The following TBCD variants were observed in gnomAD, a reference collection of about 807,000 sequenced individuals.
The protein encoded by TBCD is tubulin folding cofactor D.
A neutral mutation model predicts 169.3 loss-of-function variants in TBCD; 105 were observed. The ratio of observed to expected loss-of-function variants is 0.62; its 90% CI spans 0.53 to 0.73. TBCD has a LOEUF of 0.73. Among genes scored for constraint, TBCD ranks in the 30% least tolerant of loss-of-function variants. The pLI is 0.00. For missense variants in TBCD, 1,444 were observed against 1,600.1 expected, an observed-to-expected ratio of 0.90 and a Z score of 1.66; for synonymous variants, 700 against 643.9, an observed-to-expected ratio of 1.09 and a Z score of -1.32.
At chr17:82,816,434 T>C (rs1453782337) in intron 13 of TBCD, among the ~76,000 whole-genome samples, 2 of 152,222 alleles carry the variant, frequency 1.3e-5, no homozygotes, top group African/African-American at 4.8e-5. Context: ...CGTTTAACTT[T>C]CTAAGAACCT....
chr17:82,836,210 G>A (rs939858639), intron 13 of TBCD, among the ~76,000 whole-genome samples: 4 of 152,284 alleles, frequency 2.6e-5, no homozygotes, highest in African/African-American at 9.6e-5. Flanking sequence ...GAAGCCGGGT[G>A]CCTGGTTCCA....
chr17:82,770,417 T>C (rs2048244118), intron 5 of TBCD, among the ~76,000 whole-genome samples: 1 of 151,736 alleles, frequency 6.6e-6, no homozygotes, highest in South Asian at 2.1e-4. Flanking sequence ...CTGACCAACA[T>C]GGAGAAACCT....
intron 2 of TBCD, among the ~76,000 whole-genome samples, chr17:82,757,102 G>T (rs982667306): frequency 2.0e-5 from 3 of 152,184 alleles, no homozygotes; most frequent in Admixed American, 2.0e-4. Context: ...GAGGAAGGTG[G>T]CAATAGTCAC....
chr17:82,827,268 C>T (rs2052936555), intron 13 of TBCD, among the ~76,000 whole-genome samples: 1 of 152,210 alleles, frequency 6.6e-6, no homozygotes, highest in Non-Finnish European at 1.5e-5. Flanking sequence ...GCGTTGACAG[C>T]CACCTGCATG....
chr17:82,831,358 T>A lies in TBCD; in HGVS notation c.1318+16424T>A. 6.2e-7 allele frequency: 1 copy of A among 1,614,018 alleles called. No homozygotes were observed. Among genetic ancestry groups the A allele is most frequent in the Non-Finnish European group, 8.5e-7 (1 of 1,179,998 alleles). ...GTGTTTTCTGTTGGGGTCCGAAGGG[T>A]TTAACCTGGAAGGACTCGAGGCTGG... On this transcript the variant is annotated intron_variant, in intron 13 of 38. Coordinates refer to ENST00000355528, the MANE Select transcript of TBCD (RefSeq NM_005993.5). This position sits in a 1 kb window ranked among gnomAD's most constrained non-coding sequence, Gnocchi z 4.6.
At chr17:82,769,432 T>C (rs2048190937) in intron 5 of TBCD, among the ~76,000 whole-genome samples, 1 of 152,312 alleles carries the variant, frequency 6.6e-6, no homozygotes, top group African/African-American at 2.4e-5. Context: ...ACTAGGAGGC[T>C]GTCAGGCTCT....
At chr17:82,868,706 A>G (rs2145928955) in intron 13 of TBCD, among the ~76,000 whole-genome samples, 1 of 152,326 alleles carries the variant, frequency 6.6e-6, no homozygotes, top group East Asian at 1.9e-4. Context: ...TCGTAGTCCT[A>G]CAGTTGTTGC....
At position 82,923,975 on chromosome 17, in the gene TBCD, G is replaced by A. The variant is rs1018447706; in HGVS notation, c.2260+242G>A. Among the ~76,000 whole-genome samples, 89 of 152,202 alleles carry A rather than the reference G, an allele frequency of 5.8e-4. 1 individual carries two copies. The highest frequency in any genetic ancestry group is 2.0e-3 in the African/African-American group (84 of 41,526). On this transcript the variant is annotated intron_variant, in intron 26 of 38. Transcript: ENST00000355528. This position sits in a 1 kb window ranked among gnomAD's most constrained non-coding sequence, Gnocchi z 4.6. The stretch of plus-strand genomic sequence containing the variant: ...TCAGCAGGGACGCGTCTCTGTTGAC[G>A]GCACCCTCTTGCTCCATCACCCAGG...
intron 17 of TBCD, among the ~76,000 whole-genome samples, chr17:82,898,193 TTGG>T (rs1188089744): frequency 1.4e-5 from 2 of 145,846 alleles, no homozygotes; most frequent in Non-Finnish European, 3.0e-5. Context: ...GCTCTGGGTT[TTGG>T]TGGGAGCACA....
chr17:82,838,335 TA>T (rs11370957), intron 13 of TBCD, among the ~76,000 whole-genome samples: 29 of 150,056 alleles, frequency 1.9e-4, no homozygotes, highest in African/African-American at 2.7e-4. Flanking sequence ...AAAGAGTTCT[TA>T]AAAAAAAAAA....
In TBCD at chr17:82,833,837, C is replaced by T. The variant is rs2145309839; in HGVS notation, c.1318+18903C>T. Among the ~76,000 whole-genome samples, 1 of 152,348 alleles carries T rather than the reference C, an allele frequency of 6.6e-6. No individual in the cohort carries two copies. The highest frequency in any genetic ancestry group is 2.1e-4 in the South Asian group (1 of 4,822). The stretch of plus-strand genomic sequence containing the variant: ...CCACCAGAGGCTGTGTGTGTGATGT[C>T]AGAGCTGGCCTGCTCTTTTGGATTC... On this transcript the variant is annotated intron_variant, in intron 13 of 38. Transcript: ENST00000355528. The surrounding 1 kb of genome is among the most constrained non-coding windows in gnomAD (Gnocchi z 4.7).
chr17:82,793,057 C>T (rs2049861186), intron 7 of TBCD, among the ~76,000 whole-genome samples: 1 of 152,162 alleles, frequency 6.6e-6, no homozygotes, highest in Non-Finnish European at 1.5e-5. Flanking sequence ...GCCACTACAC[C>T]CAGCCTGAAA....
chr17:82,920,685 G>C lies in TBCD; in HGVS notation c.2101+67G>C, dbSNP rs369322632. ...TGACTTCAGATTAAAAGGTAAAAAT[G>C]AACCTGTTAGGATGGGGGCGATAAA... On this transcript the variant is annotated intron_variant, in intron 24 of 38. Coordinates refer to ENST00000355528, the MANE Select transcript of TBCD (RefSeq NM_005993.5). This position sits in a 1 kb window ranked among gnomAD's most constrained non-coding sequence, Gnocchi z 4.1. The C allele has an allele frequency of 1.2e-4, 156 of 1,351,518 alleles. 1 individual carries two copies. In the East Asian group the frequency reaches 1.5e-3, roughly 13 times the overall value. The allele number at this position is 1,351,518 out of a possible 1,614,324, so 83.7% of individuals were successfully genotyped here.
At chr17:82,830,098 G>T in intron 13 of TBCD, 1 of 1,611,242 alleles carries the variant, frequency 6.2e-7, no homozygotes, top group South Asian at 1.1e-5. Flanking sequence ...CTTGGAAGGC[G>T]TGTGTGTGGC....
At chr17:82,792,247 G>T (rs977384745) in intron 7 of TBCD, among the ~76,000 whole-genome samples, 3 of 151,674 alleles carry the variant, frequency 2.0e-5, no homozygotes, top group African/African-American at 7.3e-5. Context: ...GGCAGAGGTT[G>T]CAGTGAGCCG....
intron 2 of TBCD, among the ~76,000 whole-genome samples, chr17:82,758,670 T>TC (rs2047582525): frequency 1.4e-5 from 2 of 143,112 alleles, no homozygotes; most frequent in East Asian, 3.9e-4. Flanking sequence ...TCTTTTTTTT[T>TC]TTTTTTTTTG....
rs1180137888 is a variant in TBCD at position 82,884,566 on chromosome 17, G to A, written c.1533+364G>A. Among the ~76,000 whole-genome samples the A allele has an allele frequency of 6.6e-6, 1 of 152,186 alleles. No individual in the cohort carries two copies. The highest frequency in any genetic ancestry group is 1.5e-5 in the Non-Finnish European group (1 of 68,030). ...GTGGCCAGAATGTGGCGGCGGGACG[G>A]GTCACTCACCGGGTGGCTTTGAGCC... On this transcript the variant is annotated intron_variant, in intron 15 of 38. Transcript: ENST00000355528. The surrounding 1 kb of genome is among the most constrained non-coding windows in gnomAD (Gnocchi z 4.2).
intron 9 of TBCD, among the ~76,000 whole-genome samples, chr17:82,801,742 G>A (rs1247419558): frequency 3.2e-5 from 4 of 126,384 alleles, no homozygotes; most frequent in Non-Finnish European, 6.5e-5. Flanking sequence ...TGACGTGTGC[G>A]TGATCGTGTG....
At position 82,817,463 on chromosome 17, in the gene TBCD, A is replaced by T. The variant is rs1286709940; in HGVS notation, c.1318+2529A>T. ...AGGTATGTGCCACCATGCCCAGCTA[A>T]TTTTTGTATTTTTTATAGAGATGGG... On this transcript the variant is annotated intron_variant, in intron 13 of 38. Coordinates refer to ENST00000355528, the MANE Select transcript of TBCD (RefSeq NM_005993.5). Among the ~76,000 whole-genome samples, 6 of 151,984 alleles carry T rather than the reference A, an allele frequency of 3.9e-5. No individual in the cohort carries two copies. The East Asian group carries it at 1.2e-3, about 29-fold the overall frequency.
Sources: allele counts gnomAD v4.1 joint callset (sites outside exome capture counted in the v4.1 genomes callset), GRCh38; gene constraint gnomAD v4.1.1; non-coding constraint Gnocchi (gnomAD v3.1); transcripts MANE v1.5; gene names NCBI Gene and HGNC (gene_info 2026-07-23, HGNC 2026-07-21).